HOMER2: variants seen among roughly 807,000 people sequenced by gnomAD.
HOMER2 encodes homer scaffold protein 2.
In HOMER2, 27 loss-of-function variants were observed where a neutral mutation model predicts 47.0. The observed-to-expected ratio is 0.57, with a 90% CI of 0.42 to 0.79. HOMER2 has a LOEUF of 0.79. Ranked by LOEUF, HOMER2 falls within the 30% of genes least tolerant of loss-of-function variation. The pLI is 0.00. For synonymous variants in HOMER2, 161 were observed against 163.8 expected (o/e 0.98, Z 0.13); for missense variants, 443 against 435.0 (o/e 1.02, Z -0.16).
chr15:82,971,013 C>T (rs1315447018), intron 1 of HOMER2, among the ~76,000 whole-genome samples: 1 of 152,100 alleles, frequency 6.6e-6, no homozygotes, highest in Non-Finnish European at 1.5e-5. Flanking sequence ...CTCCTGGATA[C>T]CCAGACATAA....
At chr15:82,864,408 G>C (rs1192437003) in intron 3 of HOMER2, 149 bp from the exon 4 acceptor site, 3 of 562,614 alleles carry the variant, frequency 5.3e-6, no homozygotes, top group Non-Finnish European at 9.3e-6. Context: ...ATGAATATAA[G>C]GATGTATATT....
At chr15:82,928,947 A>G (rs1743671024) in intron 1 of HOMER2, among the ~76,000 whole-genome samples, 1 of 143,714 alleles carries the variant, frequency 7.0e-6, no homozygotes, top group Admixed American at 7.1e-5. Context: ...AACTAAAAAA[A>G]AAAAAAAAAA....
At chr15:82,962,641 C>T in intron 1 of HOMER2, among the ~76,000 whole-genome samples, 1 of 152,074 alleles carries the variant, frequency 6.6e-6, no homozygotes, top group East Asian at 1.9e-4. Context: ...TGTGCTATTG[C>T]ACTCCAGCCT....
chr15:82,869,688 C>T (rs1263486998), intron 3 of HOMER2, among the ~76,000 whole-genome samples: 2 of 152,042 alleles, frequency 1.3e-5, no homozygotes, highest in Non-Finnish European at 2.9e-5. Context: ...GAACTCTTGA[C>T]CTCAGGTGAT....
chr15:82,880,395 G>C (rs2052484104), intron 2 of HOMER2, among the ~76,000 whole-genome samples: 1 of 152,344 alleles, frequency 6.6e-6, no homozygotes, highest in Middle Eastern at 3.4e-3. Context: ...TTAATAGAGT[G>C]GTGATCTCTT....
At chr15:82,868,166 C>T (rs923584804) in intron 3 of HOMER2, among the ~76,000 whole-genome samples, 1 of 152,108 alleles carries the variant, frequency 6.6e-6, no homozygotes, top group African/African-American at 2.4e-5. Context: ...CCTTTGCCCA[C>T]TTTTTAATGG....
At chr15:82,916,702 A>G (rs1303305607) in intron 1 of HOMER2, among the ~76,000 whole-genome samples, 1 of 152,158 alleles carries the variant, frequency 6.6e-6, no homozygotes, top group Non-Finnish European at 1.5e-5. Context: ...AAAGGGACAA[A>G]GATGACACAA....
At chr15:82,843,656 T>C (rs778934569) in exon 2 of HOMER2, 13 of 151,950 alleles carry the variant, frequency 8.6e-5, no homozygotes, top group Non-Finnish European at 1.5e-4. Flanking sequence ...TAGAAATCAA[T>C]GATACTGCTG....
downstream of HOMER2, chr15:82,843,993 A>C (rs891267689): frequency 6.6e-6 from 1 of 152,120 alleles, no homozygotes; most frequent in Non-Finnish European, 1.5e-5. Context: ...ACATGAAGGG[A>C]GAAGGGGGCT....
chr15:82,838,323 TAAC>T (rs1348843999), exon 2 of HOMER2: 1 of 152,224 alleles, frequency 6.6e-6, no homozygotes, highest in Non-Finnish European at 1.5e-5. Flanking sequence ...ACAGAGATGG[TAAC>T]AACTCTGGCA....
chr15:82,932,249 C>T (rs2054030815), intron 1 of HOMER2, among the ~76,000 whole-genome samples: 1 of 152,218 alleles, frequency 6.6e-6, no homozygotes, highest in African/African-American at 2.4e-5. Context: ...AATCCCAGCA[C>T]TTTGGGAGGC....
intron 5 of HOMER2, among the ~76,000 whole-genome samples, chr15:82,858,174 T>C (rs1417814788): frequency 6.6e-6 from 1 of 152,274 alleles, no homozygotes; most frequent in Non-Finnish European, 1.5e-5. Context: ...AAAGGATCTC[T>C]TCTTCAAATA....
chr15:82,880,721 A>G (rs769959611), intron 2 of HOMER2, among the ~76,000 whole-genome samples: 1 of 152,172 alleles, frequency 6.6e-6, no homozygotes, highest in Non-Finnish European at 1.5e-5. Flanking sequence ...CTGGCGTCAG[A>G]GGAGATACGA....
chr15:82,848,387 T>C (rs1013562670), downstream of HOMER2, among the ~76,000 whole-genome samples: 1 of 152,176 alleles, frequency 6.6e-6, no homozygotes, highest in South Asian at 2.1e-4. Context: ...TTTAGAGATG[T>C]GTGGGGCCAG....
At chr15:82,916,157 G>A (rs899035040) in intron 1 of HOMER2, among the ~76,000 whole-genome samples, 1 of 152,190 alleles carries the variant, frequency 6.6e-6, no homozygotes, top group East Asian at 1.9e-4. Context: ...ATAATGGGGG[G>A]AAACAAAGAA....
chr15:82,899,395 C>T (rs1376481656), intron 1 of HOMER2, among the ~76,000 whole-genome samples: 4 of 152,234 alleles, frequency 2.6e-5, no homozygotes, highest in Non-Finnish European at 5.9e-5. Flanking sequence ...GACCCACACT[C>T]TAGGTGGTCA....
chr15:82,860,676 C>T (rs916605869), intron 4 of HOMER2, among the ~76,000 whole-genome samples: 6 of 151,974 alleles, frequency 3.9e-5, no homozygotes, highest in Admixed American at 6.6e-5. Context: ...GTGGCTCACA[C>T]CTGTAATCCC....
intron 5 of HOMER2, among the ~76,000 whole-genome samples, chr15:82,856,527 G>A (rs1287239334): frequency 6.6e-6 from 1 of 152,122 alleles, no homozygotes; most frequent in Non-Finnish European, 1.5e-5. Flanking sequence ...GCTGAGGCGG[G>A]GGGATCAGTC....
intron 1 of HOMER2, among the ~76,000 whole-genome samples, chr15:82,931,407 T>C (rs1040234723): frequency 2.0e-5 from 3 of 152,162 alleles, no homozygotes; most frequent in African/African-American, 7.2e-5. Flanking sequence ...TTAAAATTCA[T>C]GGGAGAAGCC....
Sources: gnomAD v4.1 joint callset for allele counts (sites outside exome capture counted in the v4.1 genomes callset) on GRCh38, gnomAD v4.1.1 for gene constraint, MANE v1.5 for transcripts, NCBI Gene and HGNC (gene_info 2026-07-23, HGNC 2026-07-21) for gene names.